Variants in ITGBL1 observed in about 807,000 individuals in gnomAD.
The protein encoded by ITGBL1 is integrin beta-like protein 1.
A neutral mutation model predicts 68.5 loss-of-function variants in ITGBL1; 51 were observed. The ratio of observed to expected loss-of-function variants is 0.74; its 90% CI spans 0.59 to 0.94. ITGBL1 has a LOEUF of 0.94. ITGBL1 is among the 40% of genes least tolerant of loss of function. The pLI, the probability that ITGBL1 is intolerant of heterozygous loss-of-function variation, is 0.00. For missense variants in ITGBL1, 649 were observed against 647.4 expected (o/e 1.00, Z -0.03); for synonymous variants, 209 against 227.3 (o/e 0.92, Z 0.72).
At chr13:101,584,008 G>A (rs2050509047) in intron 6 of ITGBL1, among the ~76,000 whole-genome samples, 1 of 152,326 alleles carries the variant, frequency 6.6e-6, no homozygotes, top group East Asian at 1.9e-4. Flanking sequence ...CTATATTAAT[G>A]TATTACAAAA....
intron 2 of ITGBL1, among the ~76,000 whole-genome samples, chr13:101,491,845 C>G (rs2048783212): frequency 6.6e-6 from 1 of 152,100 alleles, no homozygotes; most frequent in African/African-American, 2.4e-5. Flanking sequence ...TCTCATTGTT[C>G]AACTCCCACT....
chr13:101,555,393 A>AT (rs1183902124), intron 2 of ITGBL1, among the ~76,000 whole-genome samples: 4 of 151,596 alleles, frequency 2.6e-5, no homozygotes, highest in Admixed American at 6.6e-5. Context: ...TATCCCAAAT[A>AT]TTTTTTTTTG....
intron 2 of ITGBL1, among the ~76,000 whole-genome samples, chr13:101,454,455 A>G (rs2048213992): frequency 7.1e-6 from 1 of 140,582 alleles, no homozygotes; most frequent in East Asian, 2.4e-4. Context: ...TGAGCTTCCC[A>G]AAGTGTTGGG....
At chr13:101,538,410 G>A (rs545305254) in intron 2 of ITGBL1, among the ~76,000 whole-genome samples, 1 of 152,022 alleles carries the variant, frequency 6.6e-6, no homozygotes, top group South Asian at 2.1e-4. Context: ...GGTTAAGAAG[G>A]CTTTCAAATA....
intron 3 of ITGBL1, among the ~76,000 whole-genome samples, chr13:101,574,632 A>G (rs1241923024): frequency 6.6e-6 from 1 of 152,150 alleles, no homozygotes; most frequent in Non-Finnish European, 1.5e-5. Flanking sequence ...TTAAAACTCA[A>G]AATAGATAAA....
At chr13:101,704,704 A>C (rs1251712507) in intron 8 of ITGBL1, among the ~76,000 whole-genome samples, 1 of 152,210 alleles carries the variant, frequency 6.6e-6, no homozygotes, top group Non-Finnish European at 1.5e-5. Flanking sequence ...ATATAGAAGC[A>C]AAGCAACACA....
intron 7 of ITGBL1, among the ~76,000 whole-genome samples, chr13:101,689,709 T>G (rs889845365): frequency 1.3e-5 from 2 of 152,220 alleles, no homozygotes; most frequent in Admixed American, 6.5e-5. Flanking sequence ...TTTTAATTGT[T>G]AACTTTTTAA....
chr13:101,631,056 T>C (rs2031961914), intron 7 of ITGBL1, among the ~76,000 whole-genome samples: 1 of 152,216 alleles, frequency 6.6e-6, no homozygotes, highest in Admixed American at 6.5e-5. Context: ...TGTTCAGCAC[T>C]TGTTGGTTAG....
intron 10 of ITGBL1, 145 bp downstream of exon 10, chr13:101,714,696 G>C (rs929303339): frequency 6.5e-6 from 4 of 614,624 alleles, no homozygotes; most frequent in Non-Finnish European, 1.2e-5. Context: ...TGGGCATTTG[G>C]GAAAAAGCCC....
rs182091253 is a variant in ITGBL1, at chr13:101,605,182, A to G, written c.1015+6883A>G. On this transcript the variant is annotated intron_variant, in intron 7 of 10. Transcript: ENST00000376180. The stretch of plus-strand genomic sequence containing the variant: ...TGTATATGCGTATATATGCACATAT[A>G]GACATAGGCATGTGTGTATATGCGT... Among the ~76,000 whole-genome samples, 87 of 89,002 alleles carry G rather than the reference A, an allele frequency of 9.8e-4. 2 individuals are homozygous for G. The highest frequency in any genetic ancestry group is 1.5e-3 in the Non-Finnish European group (60 of 41,078). 58.4% of individuals were successfully genotyped at this position (89,002 alleles called of 152,430 possible).
intron 6 of ITGBL1, among the ~76,000 whole-genome samples, chr13:101,591,107 T>C (rs2050645248): frequency 6.6e-6 from 1 of 152,198 alleles, no homozygotes; most frequent in African/African-American, 2.4e-5. Flanking sequence ...TTCACCATGT[T>C]GGCCAGGCTG....
chr13:101,452,890 T>A lies in ITGBL1; in HGVS notation c.57T>A (p.Ala19=). The stretch of plus-strand genomic sequence containing the variant: ...TGCTGGCGTCCTCCCTTCTCTTTGC[T>A]GGGTTGTCAGCTGTTCCTCAAAGCT... ...FLLLASSLLF[A]GLSAVPQSFS... is the part of the protein sequence containing the mutation. Residue 19 remains alanine, a synonymous_variant, in exon 1 of 11, where the codon GCT becomes GCA. Transcript: ENST00000376180. The A allele has an allele frequency of 1.9e-6, 3 of 1,614,200 alleles. No individual in the cohort carries two copies. The highest frequency in any genetic ancestry group is 2.5e-6 in the Non-Finnish European group (3 of 1,180,018).
At chr13:101,582,006 C>T (rs1272242763) in intron 5 of ITGBL1, among the ~76,000 whole-genome samples, 3 of 152,164 alleles carry the variant, frequency 2.0e-5, no homozygotes, top group East Asian at 1.9e-4. Flanking sequence ...GAAGATCTGC[C>T]ACTGCTACCC....
chr13:101,461,208 A>G (rs1219030826), intron 2 of ITGBL1, among the ~76,000 whole-genome samples: 3 of 152,204 alleles, frequency 2.0e-5, no homozygotes, highest in Admixed American at 6.5e-5. Flanking sequence ...AATTTGCAAA[A>G]CATAAACCTC....
chr13:101,658,216 A>G (rs2032984960), intron 7 of ITGBL1, among the ~76,000 whole-genome samples: 4 of 152,222 alleles, frequency 2.6e-5, no homozygotes, highest in Admixed American at 2.0e-4. Flanking sequence ...GTCATGAAAA[A>G]GGCTACTGGG....
intron 2 of ITGBL1, among the ~76,000 whole-genome samples, chr13:101,469,110 A>T (rs2048422882): frequency 6.6e-6 from 1 of 152,242 alleles, no homozygotes; most frequent in Non-Finnish European, 1.5e-5. Flanking sequence ...ATTACATTTC[A>T]TAAAGTGAGC....
chr13:101,598,878 T>G lies in ITGBL1; in HGVS notation c.1015+579T>G, dbSNP rs555483435. On this transcript the variant is annotated intron_variant, in intron 7 of 10. Transcript: ENST00000376180. ...GGTTCCAAGTCTTTGCTATTGTGAA[T>G]AGTGCCGCAATAAACATACGTGTGC... is the stretch of plus-strand genomic sequence containing the variant. 4.2e-3 allele frequency among the ~76,000 whole-genome samples: 632 copies of G among 152,282 alleles called. 2 individuals carry two copies. The highest frequency in any genetic ancestry group is 0.015 in the African/African-American group (610 of 41,550).
At chr13:101,626,517 A>G (rs1172495691) in intron 7 of ITGBL1, among the ~76,000 whole-genome samples, 2 of 152,070 alleles carry the variant, frequency 1.3e-5, no homozygotes, top group African/African-American at 2.4e-5. Flanking sequence ...ATCTATCTCT[A>G]AAAAGTACCA....
chr13:101,646,897 A>G (rs1168587633), intron 7 of ITGBL1, among the ~76,000 whole-genome samples: 1 of 152,168 alleles, frequency 6.6e-6, no homozygotes, highest in East Asian at 1.9e-4. Flanking sequence ...AGAAATTCAA[A>G]TATCAAAAGC....
Sources: gnomAD v4.1 joint callset for allele counts (sites outside exome capture counted in the v4.1 genomes callset) on GRCh38, gnomAD v4.1.1 for gene constraint, MANE v1.5 for transcripts, NCBI Gene and HGNC (gene_info 2026-07-23, HGNC 2026-07-21) for gene names.